SCML4: variants seen among roughly 807,000 people sequenced by gnomAD.
SCML4 encodes the protein sex comb on midleg-like protein 4.
SCML4 carries 34 observed loss-of-function variants against 41.1 expected under a neutral mutation model. That is an observed-to-expected ratio of 0.83 (90% CI 0.63 to 1.10). The LOEUF (loss-of-function observed/expected upper bound fraction) is 1.10, where lower values mean the gene tolerates loss of function less well. Ranked by LOEUF, SCML4 falls within the 50% of genes least tolerant of loss-of-function variation. SCML4 has a pLI of 0.00. For synonymous variants in SCML4, 214 were observed against 220.9 expected, an observed-to-expected ratio of 0.97 and a Z score of 0.28; for missense variants, 522 against 534.1, an observed-to-expected ratio of 0.98 and a Z score of 0.22.
chr6:107,783,800 A>T (rs962743431), intron 1 of SCML4, among the ~76,000 whole-genome samples: 2 of 152,186 alleles, frequency 1.3e-5, no homozygotes, highest in Admixed American at 6.5e-5. Context: ...GGATGGGTGA[A>T]GCCCATCTTT....
intron 2 of SCML4, chr6:107,755,694 G>GT: frequency 9.0e-7 from 1 of 1,110,440 alleles, no homozygotes. Flanking sequence ...TGTCTATTTT[G>GT]TTTTTTAAAT....
At chr6:107,747,100 G>A (rs1019878228) in intron 3 of SCML4, among the ~76,000 whole-genome samples, 1 of 152,186 alleles carries the variant, frequency 6.6e-6, no homozygotes, top group Non-Finnish European at 1.5e-5. Context: ...CCTGACCTCG[G>A]GGGCTTTCTT....
At chr6:107,734,325 C>A (rs11153077) in intron 5 of SCML4, among the ~76,000 whole-genome samples, 1 of 152,044 alleles carries the variant, frequency 6.6e-6, no homozygotes, top group Admixed American at 6.5e-5. Context: ...TACTTTCTAC[C>A]AAAATTTTAT....
rs193158348 is a variant in SCML4 at position 107,772,271 on chromosome 6, C to T, written c.57G>A (p.Thr19=). 1.1e-5 allele frequency: 17 copies of T among 1,551,718 alleles called. No individual in the cohort carries two copies. The East Asian group carries it at 1.5e-4, about 13-fold the overall frequency. The change falls in exon 2 of 8, where the codon ACG becomes ACA. Residue 19 remains threonine, a synonymous_variant. Coordinates refer to ENST00000369020, the MANE Select transcript of SCML4 (RefSeq NM_198081.5). ...GGTTATGAACTGCCATCTTCATAGG[C>T]GTGGAGTGAAGTGAGGGTCGGCCTC... ...RKRGRPSLHS[T]PMKMAVHNLY...
In SCML4 at chr6:107,779,180, A is replaced by AAAATAAAT. The variant is rs34080063; in HGVS notation, c.-59-6802_-59-6795dup. 6.5e-3 allele frequency among the ~76,000 whole-genome samples: 964 copies of AAAATAAAT among 148,764 alleles called. 3 individuals carry two copies. The highest frequency in any genetic ancestry group is 0.018 in the East Asian group (86 of 4,908). On this transcript the variant is annotated intron_variant, in intron 1 of 7. Transcript: ENST00000369020. ...GGGCAACAGAGGGAGACTCCATCTC[A>AAAATAAAT]AAATAAATAAATAAATAAATAAATA...
intron 2 of SCML4, among the ~76,000 whole-genome samples, chr6:107,769,801 C>A (rs1311129488): frequency 6.6e-6 from 1 of 152,078 alleles, no homozygotes; most frequent in African/African-American, 2.4e-5. Flanking sequence ...GGAGTCTTCT[C>A]CCCAAAAATA....
chr6:107,747,616 C>T (rs897555978), intron 3 of SCML4, among the ~76,000 whole-genome samples: 49 of 149,262 alleles, frequency 3.3e-4, no homozygotes, highest in African/African-American at 1.1e-3. Flanking sequence ...ATGTTATTTA[C>T]ATAATATTAT....
At position 107,792,342 on chromosome 6, in the gene SCML4, A is replaced by C. The variant is rs116920158; in HGVS notation, c.-59-19956T>G. Among the ~76,000 whole-genome samples, 3 of 152,330 alleles carry C rather than the reference A, an allele frequency of 2.0e-5. No individual in the cohort carries two copies. The East Asian group carries it at 5.8e-4, about 29-fold the overall frequency. On this transcript the variant is annotated intron_variant, in intron 1 of 7. Coordinates refer to ENST00000369020, the MANE Select transcript of SCML4 (RefSeq NM_198081.5). ...GCCTATCATCAGATAAGCAAACAAC[A>C]TAAGTTTGAGAGGGATGGCTAATGT...
chr6:107,786,367 C>A (rs2114605014), intron 1 of SCML4, among the ~76,000 whole-genome samples: 1 of 152,264 alleles, frequency 6.6e-6, no homozygotes, highest in East Asian at 1.9e-4. Context: ...TGAAAAGGAG[C>A]CACCTACAAA....
chr6:107,807,104 G>A (rs894700590), intron 1 of SCML4, among the ~76,000 whole-genome samples: 10 of 150,652 alleles, frequency 6.6e-5, no homozygotes, highest in African/African-American at 2.4e-4. Flanking sequence ...AATTGCAGGG[G>A]CCATGTGTGC....
In SCML4 at chr6:107,702,685, G is replaced by A. The variant is rs1338750213; in HGVS notation, c.*2515C>T. On this transcript the variant is annotated 3_prime_UTR_variant, in exon 8 of 8. Coordinates refer to ENST00000369020, the MANE Select transcript of SCML4 (RefSeq NM_198081.5). Reference sequence around the variant, plus strand: ...CTCTAAACCAGCAGTGAGCACTTACGATTAATAAATTCTTAAGAGACAGGC... The same window carrying A: ...CTCTAAACCAGCAGTGAGCACTTACAATTAATAAATTCTTAAGAGACAGGC... Among the ~76,000 whole-genome samples the A allele has an allele frequency of 2.0e-5, 3 of 152,172 alleles. No individual in the cohort carries two copies. Among genetic ancestry groups the A allele is most frequent in the East Asian group, 1.9e-4 (1 of 5,200 alleles).
intron 5 of SCML4, among the ~76,000 whole-genome samples, chr6:107,721,448 C>G (rs1775403229): frequency 6.6e-6 from 1 of 151,980 alleles, no homozygotes; most frequent in African/African-American, 2.4e-5. Context: ...ACCTGTAATC[C>G]CAGCTACTCA....
intron 5 of SCML4, among the ~76,000 whole-genome samples, chr6:107,723,058 G>C (rs555321689): frequency 1.3e-5 from 2 of 151,706 alleles, no homozygotes; most frequent in Non-Finnish European, 2.9e-5. Context: ...CAAATAAAAC[G>C]TAAAGAAGGA....
chr6:107,827,862 G>A (rs1380885806), upstream of SCML4, among the ~76,000 whole-genome samples: 2 of 152,136 alleles, frequency 1.3e-5, no homozygotes, highest in Non-Finnish European at 2.9e-5. Flanking sequence ...GTCAGCTGCT[G>A]GTAAAGACAC....
In SCML4 at chr6:107,725,344, A is replaced by T. The variant is rs192103020; in HGVS notation, c.683-4351T>A. On this transcript the variant is annotated intron_variant, in intron 5 of 7. Transcript: ENST00000369020. ...TTATGCGTTGATTTAAAAATTTTTT[A>T]AAAAAATAAATAAATAAAGCCAATG... Among the ~76,000 whole-genome samples, 1,037 of 152,316 alleles carry T rather than the reference A, an allele frequency of 6.8e-3. 12 individuals are homozygous for T. Among genetic ancestry groups the T allele is most frequent in the African/African-American group, 0.022 (914 of 41,566 alleles).
intron 1 of SCML4, among the ~76,000 whole-genome samples, chr6:107,807,477 CAG>C (rs1470329848): frequency 6.6e-6 from 1 of 152,222 alleles, no homozygotes; most frequent in African/African-American, 2.4e-5. Context: ...TGCCACAGCA[CAG>C]AGTTATTCCC....
intron 2 of SCML4, among the ~76,000 whole-genome samples, chr6:107,751,513 T>C (rs1778618495): frequency 6.6e-6 from 1 of 152,214 alleles, no homozygotes; most frequent in South Asian, 2.1e-4. Flanking sequence ...GGCTTTTAGC[T>C]ATTACTCTTG....
intron 6 of SCML4, among the ~76,000 whole-genome samples, chr6:107,709,002 G>A (rs1773968398): frequency 1.3e-5 from 2 of 152,024 alleles, no homozygotes; most frequent in African/African-American, 4.8e-5. Context: ...TGAAGCTCTT[G>A]GGAGAATGCC....
chr6:107,723,957 C>T (rs1331748799), intron 5 of SCML4, among the ~76,000 whole-genome samples: 1 of 152,096 alleles, frequency 6.6e-6, no homozygotes, highest in Non-Finnish European at 1.5e-5. Flanking sequence ...AAGATATATA[C>T]ACCATGACCA....
Sources: gnomAD v4.1 joint callset for allele counts (sites outside exome capture counted in the v4.1 genomes callset) on GRCh38, gnomAD v4.1.1 for gene constraint, MANE v1.5 for transcripts, NCBI Gene and HGNC (gene_info 2026-07-23, HGNC 2026-07-21) for gene names.